Variants in IGFL3 observed in about 807,000 individuals in gnomAD.
IGFL3 encodes insulin growth factor-like family member 3.
In IGFL3, 12 loss-of-function variants were observed where a neutral mutation model predicts 17.0. The ratio of observed to expected loss-of-function variants is 0.71; its 90% confidence interval spans 0.45 to 1.14. The LOEUF (loss-of-function observed/expected upper bound fraction) is 1.14. IGFL3 is among the 50% of genes most tolerant of loss of function. IGFL3 has a pLI of 0.00. For missense variants in IGFL3, 153 were observed against 151.6 expected (o/e 1.01, Z -0.05); for synonymous variants, 52 against 57.4 (o/e 0.91, Z 0.42).
At chr19:46,123,036 T>A (rs1971863319) in intron 3 of IGFL3, among the ~76,000 whole-genome samples, 1 of 151,030 alleles carries the variant, frequency 6.6e-6, no homozygotes, top group South Asian at 2.1e-4. Context: ...TGACCTCAAC[T>A]TGAAACATTA....
chr19:46,124,021 G>T lies in IGFL3; in HGVS notation c.215C>A (p.Thr72Asn), dbSNP rs1454981356. Residue 72 changes from threonine to asparagine, a missense_variant, in exon 3 of 4, where the codon ACC (threonine) becomes AAC (asparagine). Thr to Asn is a moderately conservative substitution (Grantham distance 65). Transcript: ENST00000341415. The stretch of plus-strand genomic sequence containing the variant: ...CTCAAAGCAGGGCCAGAAGGTGCAG[G>T]TGGAGCCACAGCGGCGGGTCTCCTT... ...SLKETRRCGS[T>N]CTFWPCFELC... The T allele has an allele frequency of 1.1e-5, 17 of 1,611,398 alleles. No individual in the cohort carries two copies. The highest frequency in any genetic ancestry group is 1.4e-5 in the Non-Finnish European group (16 of 1,179,666).
intron 3 of IGFL3, 40 bp from the exon 4 acceptor site, chr19:46,120,397 T>C (rs1274791937): frequency 1.6e-5 from 26 of 1,609,270 alleles, no homozygotes; most frequent in Middle Eastern, 1.7e-4. Flanking sequence ...TAACAACATA[T>C]ATTCTCAGGA....
rs1971991723 is a variant in IGFL3, at chr19:46,124,635, G to A, written c.15C>T (p.Cys5=). 6.2e-7 allele frequency: 1 copy of A among 1,609,320 alleles called. No individual in the cohort carries two copies. Among genetic ancestry groups the A allele is most frequent in the Non-Finnish European group, 8.5e-7 (1 of 1,177,916 alleles). ...TGGGGTCCTACTTGCCCAAGATGCA[G>A]CATCGTGGCCTCATGCTTCCAAAGA... The part of the protein sequence containing the change: MRPR[C]CILALVCWIT... Residue 5 remains cysteine, a synonymous_variant, in exon 1 of 4, where the codon TGC becomes TGT. Transcript: ENST00000341415.
chr19:46,124,460 G>A (rs1319032593), intron 1 of IGFL3, 139 bp from the exon 2 acceptor site: 36 of 1,151,800 alleles, frequency 3.1e-5, no homozygotes, highest in African/African-American at 6.2e-5. Context: ...ATGGGATCCC[G>A]TTCAGGCAGG....
Position 46,124,340 on chromosome 19 carries a change from A to G in IGFL3, c.26-19T>C. The G allele has an allele frequency of 6.9e-6, 11 of 1,600,438 alleles. No individual in the cohort carries two copies. Among genetic ancestry groups the G allele is most frequent in the Non-Finnish European group, 9.4e-6 (11 of 1,170,344 alleles). On this transcript the variant is annotated intron_variant, in intron 1 of 3. Coordinates refer to ENST00000341415, the MANE Select transcript of IGFL3 (RefSeq NM_207393.2). ...ACAAGAGCTAAGGGAGAAAGGAAAA[A>G]GGTTGAACATGGAGCTGAGAATGTG...
intron 3 of IGFL3, among the ~76,000 whole-genome samples, chr19:46,122,721 A>G (rs747103780): frequency 7.9e-5 from 12 of 151,144 alleles, no homozygotes; most frequent in Non-Finnish European, 1.3e-4. Context: ...AAAAACTGCA[A>G]TGGTTTACAT....
intron 1 of IGFL3, 100 bp from the exon 2 acceptor site, chr19:46,124,421 T>A (rs1971976910): frequency 3.7e-6 from 5 of 1,349,962 alleles, no homozygotes; most frequent in Non-Finnish European, 5.2e-6. Flanking sequence ...GGTTTAAAGG[T>A]GGAGATTATC....
At chr19:46,121,521 T>A (rs370807185) in intron 3 of IGFL3, among the ~76,000 whole-genome samples, 1 of 150,402 alleles carries the variant, frequency 6.6e-6, no homozygotes, top group Non-Finnish European at 1.5e-5. Flanking sequence ...AGGAGTAGTA[T>A]TTTCTCTCAG....
chr19:46,122,697 G>A (rs1353617297), intron 3 of IGFL3, among the ~76,000 whole-genome samples: 1 of 150,738 alleles, frequency 6.6e-6, no homozygotes, highest in East Asian at 2.0e-4. Flanking sequence ...ACTGTTGCAT[G>A]GAAAAATGCC....
Position 46,124,154 on chromosome 19 carries a change from C to T in IGFL3, c.82G>A (p.Ala28Thr), listed in dbSNP as rs200405513. 70 of 1,609,742 alleles carry T rather than the reference C, an allele frequency of 4.3e-5. 3 individuals are homozygous for T. The highest frequency in any genetic ancestry group is 2.0e-4 in the Admixed American group (12 of 59,496). Residue 28 changes from alanine to threonine, a missense_variant and splice_region_variant, in exon 3 of 4, where the codon GCT becomes ACT. By Grantham distance (58) the Ala-to-Thr change is moderately conservative (BLOSUM62 0). Coordinates refer to ENST00000341415, the MANE Select transcript of IGFL3 (RefSeq NM_207393.2). The part of the protein sequence containing the change: ...LLQCSKGTTD[A>T]PVGSGLWLCQ... ...AGCCACAGTCCTGAGCCAACAGGAG[C>T]GTCTGGGGGCAGACATTGATGGTGT...
intron 3 of IGFL3, among the ~76,000 whole-genome samples, chr19:46,122,686 T>C (rs1271281059): frequency 1.3e-5 from 2 of 151,006 alleles, no homozygotes; most frequent in Non-Finnish European, 2.9e-5. Context: ...TCAGACAACT[T>C]ACTGTTGCAT....
At position 46,123,801 on chromosome 19, in the gene IGFL3, C is replaced by G. The variant is rs1971921289; in HGVS notation, c.350+85G>C. ...CCTGACTCTTTTGCCGTTAGAACTCCACAAACAGGAGTTCCTCTTCAAGCC... is the reference window on the plus strand; with the variant it reads ...CCTGACTCTTTTGCCGTTAGAACTCGACAAACAGGAGTTCCTCTTCAAGCC... On this transcript the variant is annotated intron_variant, in intron 3 of 3. Coordinates refer to ENST00000341415, the MANE Select transcript of IGFL3 (RefSeq NM_207393.2). 3.5e-6 allele frequency: 5 copies of G among 1,442,600 alleles called. No homozygotes were observed. The East Asian group carries it at 1.2e-4, about 34-fold the overall frequency. 89.4% of individuals were successfully genotyped at this position (1,442,600 alleles called of 1,614,324 possible). A position where few individuals can be genotyped will look rare whatever the true frequency, so the allele number is the denominator to read the frequency against.
chr19:46,122,661 T>C (rs370987036), intron 3 of IGFL3, among the ~76,000 whole-genome samples: 1 of 151,160 alleles, frequency 6.6e-6, no homozygotes, highest in East Asian at 2.0e-4. Flanking sequence ...TTCTGTAAGT[T>C]ACATTCGGTT....
intron 3 of IGFL3, among the ~76,000 whole-genome samples, chr19:46,121,460 A>G (rs1208057126): frequency 2.0e-5 from 3 of 150,052 alleles, no homozygotes; most frequent in Admixed American, 6.7e-5. Flanking sequence ...ACTTACTCCA[A>G]CACTCATAGC....
Position 46,123,115 on chromosome 19 carries a change from A to G in IGFL3, c.350+771T>C, listed in dbSNP as rs925739698. On this transcript the variant is annotated intron_variant, in intron 3 of 3. Transcript: ENST00000341415. Reference sequence around the variant, plus strand: ...AGAATTTTTAATTATTCCAACAGCTACAGGAATTTTTTAATAGTTTTTTTA... The same window carrying G: ...AGAATTTTTAATTATTCCAACAGCTGCAGGAATTTTTTAATAGTTTTTTTA... 3.3e-5 allele frequency among the ~76,000 whole-genome samples: 5 copies of G among 150,882 alleles called. 1 individual carries two copies. The highest frequency in any genetic ancestry group is 1.2e-4 in the African/African-American group (5 of 40,620).
chr19:46,122,176 GC>G (rs1258251635), intron 3 of IGFL3, among the ~76,000 whole-genome samples: 1 of 150,892 alleles, frequency 6.6e-6, no homozygotes, highest in Non-Finnish European at 1.5e-5. Context: ...CACTTCCATT[GC>G]CCTGACTTTC....
intron 1 of IGFL3, 27 bp from the exon 2 acceptor site, chr19:46,124,348 C>T (rs373132305): frequency 8.8e-6 from 14 of 1,591,008 alleles, no homozygotes; most frequent in African/African-American, 1.4e-5. Flanking sequence ...AAAGGTTGAA[C>T]ATGGAGCTGA....
intron 3 of IGFL3, among the ~76,000 whole-genome samples, chr19:46,121,947 TAAAATGTA>T (rs1260314422): frequency 6.6e-6 from 1 of 151,004 alleles, no homozygotes; most frequent in African/African-American, 2.5e-5. Flanking sequence ...ACTGCATTTT[TAAAATGTA>T]AAAATGTAAA....
Position 46,120,266 on chromosome 19 carries a change from C to T in IGFL3, c.*64G>A. 1 of 1,605,856 alleles carries T rather than the reference C, an allele frequency of 6.2e-7. No individual in the cohort carries two copies. The stretch of plus-strand genomic sequence containing the variant: ...TCTCTCCGAAGTTCAACTGTAGTCT[C>T]CGATGTCCAGCTGCTTCGTCTCTTC... On this transcript the variant is annotated 3_prime_UTR_variant, in exon 4 of 4. Coordinates refer to ENST00000341415, the MANE Select transcript of IGFL3 (RefSeq NM_207393.2).
Sources: allele counts gnomAD v4.1 joint callset (sites outside exome capture counted in the v4.1 genomes callset), GRCh38; gene constraint gnomAD v4.1.1; transcripts MANE v1.5; gene names NCBI Gene and HGNC (gene_info 2026-07-23, HGNC 2026-07-21).